The following RAMP3 variants were observed in gnomAD, a reference collection of about 807,000 sequenced individuals.
RAMP3 encodes receptor activity-modifying protein 3.
A neutral mutation model predicts 13.5 loss-of-function variants in RAMP3; 14 were observed. That is an observed-to-expected ratio of 1.04 (90% confidence interval 0.69 to 1.63). RAMP3 has a LOEUF of 1.63. Ranked by LOEUF, RAMP3 falls within the 40% of genes most tolerant of loss-of-function variation. RAMP3 has a pLI of 0.00. For synonymous variants in RAMP3, 106 were observed against 88.3 expected (o/e 1.20, Z -1.12); for missense variants, 200 against 204.8 (o/e 0.98, Z 0.14).
At chr7:45,158,411 G>A (rs1014194822) in intron 1 of RAMP3, among the ~76,000 whole-genome samples, 5 of 152,262 alleles carry the variant, frequency 3.3e-5, no homozygotes, top group Admixed American at 3.3e-4. Flanking sequence ...CTGGCTGAGA[G>A]GGGAAGCGGG....
chr7:45,174,037 G>A (rs2128657416), intron 1 of RAMP3, among the ~76,000 whole-genome samples: 1 of 152,168 alleles, frequency 6.6e-6, no homozygotes, highest in East Asian at 1.9e-4. Context: ...AGATGGGAGT[G>A]GGCACTCCCA....
chr7:45,174,855 C>T (rs1786149436), intron 1 of RAMP3, among the ~76,000 whole-genome samples: 1 of 152,200 alleles, frequency 6.6e-6, no homozygotes, highest in Admixed American at 6.5e-5. Context: ...AGACCCTCTC[C>T]CTCTCCCCTT....
chr7:45,172,373 C>T (rs189362288), intron 1 of RAMP3, among the ~76,000 whole-genome samples: 52 of 152,302 alleles, frequency 3.4e-4, no homozygotes, highest in Admixed American at 2.5e-3. Context: ...CACTATTCTT[C>T]CCGAGATGTG....
At chr7:45,164,733 G>A (rs562082656) in intron 1 of RAMP3, among the ~76,000 whole-genome samples, 30 of 151,884 alleles carry the variant, frequency 2.0e-4, no homozygotes, top group Non-Finnish European at 3.7e-4. Flanking sequence ...AATATTTTTT[G>A]CTCCAAAACA....
chr7:45,169,780 A>C (rs1355438172), intron 1 of RAMP3, among the ~76,000 whole-genome samples: 1 of 152,234 alleles, frequency 6.6e-6, no homozygotes, highest in Admixed American at 6.5e-5. Flanking sequence ...AGAATATACC[A>C]GTCATGTTGG....
At position 45,183,539 on chromosome 7, in the gene RAMP3, C is replaced by CCAGGAAGGGAGGGGTCTG; in HGVS notation, c.*128_*129insAGGAAGGGAGGGGTCTGC. On this transcript the variant is annotated 3_prime_UTR_variant, in exon 3 of 3. Transcript: ENST00000242249. Reference sequence around the variant, plus strand: ...CACACCCCACCTGGTCATGGGCAGACCCCTCCCTTCCTGGGCTGACCTGCT... The same window carrying CCAGGAAGGGAGGGGTCTG: ...CACACCCCACCTGGTCATGGGCAGACCAGGAAGGGAGGGGTCTGCCCTCCCTTCCTGGGCTGACCTGCT... 1 of 1,380,352 alleles carries CCAGGAAGGGAGGGGTCTG rather than the reference C, an allele frequency of 7.2e-7. No individual in the cohort carries two copies. Among genetic ancestry groups the CCAGGAAGGGAGGGGTCTG allele is most frequent in the Non-Finnish European group, 9.9e-7 (1 of 1,005,598 alleles). The allele number at this position is 1,380,352 out of a possible 1,614,324, so 85.5% of individuals were successfully genotyped here. A position where few individuals can be genotyped will look rare whatever the true frequency, so the allele number is the denominator to read the frequency against.
chr7:45,164,710 C>T (rs1468519339), intron 1 of RAMP3, among the ~76,000 whole-genome samples: 2 of 152,196 alleles, frequency 1.3e-5, no homozygotes, highest in Non-Finnish European at 2.9e-5. Context: ...AAAAGACCCT[C>T]TTTATCTCTA....
intron 1 of RAMP3, among the ~76,000 whole-genome samples, chr7:45,162,496 G>A (rs776525423): frequency 2.0e-5 from 3 of 152,182 alleles, no homozygotes; most frequent in African/African-American, 7.2e-5. Flanking sequence ...TGAGGCAATG[G>A]TGACATGCCA....
At chr7:45,179,526 G>C (rs1425215502) in intron 2 of RAMP3, among the ~76,000 whole-genome samples, 1 of 152,214 alleles carries the variant, frequency 6.6e-6, no homozygotes, top group Non-Finnish European at 1.5e-5. Flanking sequence ...TCTCTCATGT[G>C]ATGAATGAGA....
chr7:45,178,011 G>C (rs1786228863), intron 2 of RAMP3, among the ~76,000 whole-genome samples: 1 of 151,424 alleles, frequency 6.6e-6, no homozygotes, highest in African/African-American at 2.4e-5. Flanking sequence ...CTGGCCTGGG[G>C]GGTGCACTCT....
intron 1 of RAMP3, among the ~76,000 whole-genome samples, chr7:45,170,305 T>C (rs532126369): frequency 5.9e-4 from 90 of 151,978 alleles, no homozygotes; most frequent in Non-Finnish European, 6.2e-4. Context: ...GGCTGGGTAA[T>C]TGATTTGAGA....
intron 1 of RAMP3, among the ~76,000 whole-genome samples, chr7:45,174,866 G>A (rs1023953021): frequency 1.3e-5 from 2 of 152,156 alleles, no homozygotes; most frequent in African/African-American, 4.8e-5. Context: ...CTCTCCCCTT[G>A]TCCAAGGATC....
Position 45,177,208 on chromosome 7 carries a change from C to G in RAMP3, c.59-101C>G. ...AACGGTCTCAGGCTTGCAAACGGAG[C>G]CTTGCTAGTGAGTACTCAAGTTATG... On this transcript the variant is annotated intron_variant, in intron 1 of 2. Coordinates refer to ENST00000242249, the MANE Select transcript of RAMP3 (RefSeq NM_005856.3). 4.7e-6 allele frequency: 7 copies of G among 1,484,676 alleles called. No individual in the cohort carries two copies. In the South Asian group the frequency reaches 8.6e-5, roughly 18 times the overall value. The allele number at this position is 1,484,676 out of a possible 1,614,324, so 92.0% of individuals were successfully genotyped here.
intron 2 of RAMP3, among the ~76,000 whole-genome samples, chr7:45,177,765 AC>A (rs897289421): frequency 6.6e-6 from 1 of 150,510 alleles, no homozygotes; most frequent in African/African-American, 2.5e-5. Context: ...CCAGCTTCCT[AC>A]CCCCCATTCC....
chr7:45,161,927 G>A (rs1323736973), intron 1 of RAMP3, among the ~76,000 whole-genome samples: 1 of 152,146 alleles, frequency 6.6e-6, no homozygotes, highest in Non-Finnish European at 1.5e-5. Context: ...CCACCCAAGG[G>A]TGCTGAGAGA....
chr7:45,165,123 C>CT (rs956335045), intron 1 of RAMP3, among the ~76,000 whole-genome samples: 4 of 151,686 alleles, frequency 2.6e-5, no homozygotes, highest in African/African-American at 7.3e-5. Context: ...GGGTGTAATT[C>CT]TTTTTTTTGT....
intron 1 of RAMP3, among the ~76,000 whole-genome samples, 174 bp downstream of exon 1, chr7:45,158,060 G>T (rs1469393909): frequency 1.3e-5 from 2 of 152,346 alleles, no homozygotes; most frequent in Middle Eastern, 3.4e-3. Flanking sequence ...GGTTCCACCC[G>T]GGAGAAGCTG....
rs182268634 is a variant in RAMP3 at position 45,167,252 on chromosome 7, C to A, written c.58+9366C>A. ...GATTACAGGCGTGAGCCACGGCGCCCGGCCTGTGATCCATTTTGAGTTAAT... is the reference window on the plus strand; with the variant it reads ...GATTACAGGCGTGAGCCACGGCGCCAGGCCTGTGATCCATTTTGAGTTAAT... On this transcript the variant is annotated intron_variant, in intron 1 of 2. Transcript: ENST00000242249. 3.4e-3 allele frequency among the ~76,000 whole-genome samples: 519 copies of A among 152,058 alleles called. 1 individual carries two copies. The highest frequency in any genetic ancestry group is 5.9e-3 in the Non-Finnish European group (404 of 67,956).
chr7:45,163,431 T>C (rs66652017), intron 1 of RAMP3: 220,932 of 985,228 alleles, frequency 0.22, 26,715 homozygotes, highest in African/African-American at 0.45. Context: ...CAGCTTGGGA[T>C]ACACAGAAGT....
Sources: gnomAD v4.1 joint callset for allele counts (sites outside exome capture counted in the v4.1 genomes callset) on GRCh38, gnomAD v4.1.1 for gene constraint, MANE v1.5 for transcripts, NCBI Gene and HGNC (gene_info 2026-07-23, HGNC 2026-07-21) for gene names.